Variants in TMC1 observed in about 807,000 individuals in gnomAD.
TMC1 encodes the protein transmembrane channel-like protein 1.
Under a neutral mutation model 105.8 loss-of-function variants are expected in TMC1, and 84 were observed. The ratio of observed to expected loss-of-function variants is 0.79; its 90% confidence interval spans 0.67 to 0.95. The LOEUF (loss-of-function observed/expected upper bound fraction) is 0.95, where lower values mean the gene tolerates loss of function less well. Ranked by LOEUF, TMC1 falls within the 40% of genes least tolerant of loss-of-function variation. The probability of loss-of-function intolerance (pLI) is 0.00; values close to 1 mark genes in which losing one functional copy is unlikely to be tolerated. For synonymous variants in TMC1, 315 were observed against 311.5 expected (o/e 1.01, Z -0.12); for missense variants, 817 against 914.1 (o/e 0.89, Z 1.37).
At chr9:72,820,051 T>C (rs1244021077) in intron 19 of TMC1, among the ~76,000 whole-genome samples, 1 of 152,172 alleles carries the variant, frequency 6.6e-6, no homozygotes, top group Non-Finnish European at 1.5e-5. Flanking sequence ...AAAACTCAGA[T>C]GCACAAAGCA....
At chr9:72,527,618 A>G (rs1823427543) in intron 1 of TMC1, among the ~76,000 whole-genome samples, 1 of 152,088 alleles carries the variant, frequency 6.6e-6, no homozygotes, top group African/African-American at 2.4e-5. Context: ...TGCCAGCGCT[A>G]CTTTGCAGAC....
At chr9:72,767,021 CT>C (rs1202416746) in intron 12 of TMC1, among the ~76,000 whole-genome samples, 11 of 152,120 alleles carry the variant, frequency 7.2e-5, no homozygotes, top group African/African-American at 2.7e-4. Flanking sequence ...CATAATTAGC[CT>C]TTTCACTCCT....
At chr9:72,714,535 T>C (rs1826887739) in intron 8 of TMC1, among the ~76,000 whole-genome samples, 1 of 152,166 alleles carries the variant, frequency 6.6e-6, no homozygotes, top group Non-Finnish European at 1.5e-5. Context: ...TCTTTGTCTT[T>C]TTTTGATGTT....
intron 4 of TMC1, among the ~76,000 whole-genome samples, chr9:72,636,707 CAAAA>C (rs59553107): frequency 3.6e-5 from 3 of 83,270 alleles, no homozygotes; most frequent in Non-Finnish European, 4.5e-5. Flanking sequence ...GACTCCATCT[CAAAA>C]AAAAAAAAAA....
intron 4 of TMC1, among the ~76,000 whole-genome samples, chr9:72,633,770 G>C (rs897561349): frequency 6.6e-6 from 1 of 152,118 alleles, no homozygotes; most frequent in Admixed American, 6.5e-5. Flanking sequence ...ATCACCAAAT[G>C]TGTGGAGGTT....
chr9:72,787,516 A>T (rs1389492082), intron 13 of TMC1, among the ~76,000 whole-genome samples: 1 of 152,106 alleles, frequency 6.6e-6, no homozygotes, highest in Non-Finnish European at 1.5e-5. Flanking sequence ...AATTTGTGTC[A>T]TATGAAATTT....
rs1380376162 is a variant in TMC1 at position 72,767,473 on chromosome 9, G to A, written c.742-4940G>A. 3.9e-5 allele frequency among the ~76,000 whole-genome samples: 6 copies of A among 152,130 alleles called. No individual in the cohort carries two copies. In the East Asian group the frequency reaches 1.2e-3, roughly 29 times the overall value. Reference sequence around the variant, plus strand: ...AGATGTTTTGCATGCAGAGCCTTTTGGGGACCTCTGAAATCCTGTCTCCTA... The same window carrying A: ...AGATGTTTTGCATGCAGAGCCTTTTAGGGACCTCTGAAATCCTGTCTCCTA... On this transcript the variant is annotated intron_variant, in intron 12 of 23. Coordinates refer to ENST00000297784, the MANE Select transcript of TMC1 (RefSeq NM_138691.3).
chr9:72,766,139 T>G (rs1214450022), intron 12 of TMC1, among the ~76,000 whole-genome samples: 1 of 152,102 alleles, frequency 6.6e-6, no homozygotes, highest in Non-Finnish European at 1.5e-5. Flanking sequence ...ACATCTCGGC[T>G]GGGCGTGGTG....
rs35584155 is a variant in TMC1 at position 72,709,010 on chromosome 9, C to CGG, written c.362+8373_362+8374dup. ...GCTTTTTCTGTGTCTATTTTTTTTT[C>CGG]GGGGGGGTGGGTGTTTAAGAGCAGA... On this transcript the variant is annotated intron_variant, in intron 8 of 23. Coordinates refer to ENST00000297784, the MANE Select transcript of TMC1 (RefSeq NM_138691.3). Among the ~76,000 whole-genome samples, 35 of 142,638 alleles carry CGG rather than the reference C, an allele frequency of 2.5e-4. 1 individual carries two copies. The highest frequency in any genetic ancestry group is 4.6e-4 in the South Asian group (2 of 4,318). 93.6% of individuals were successfully genotyped at this position (142,638 alleles called of 152,430 possible).
chr9:72,608,037 G>T (rs1206674086), intron 2 of TMC1: 2 of 152,202 alleles, frequency 1.3e-5, no homozygotes, highest in Non-Finnish European at 2.9e-5. Context: ...TGGTCCAATT[G>T]TAAAGTAAAT....
At chr9:72,832,116 T>C (rs79477655) in intron 23 of TMC1, among the ~76,000 whole-genome samples, 3,012 of 152,000 alleles carry the variant, frequency 0.02, 91 homozygotes, top group African/African-American at 0.064. Context: ...CATGCCTGGA[T>C]AATTTTTAAT....
intron 2 of TMC1, among the ~76,000 whole-genome samples, chr9:72,614,806 G>A (rs1825094856): frequency 6.6e-6 from 1 of 152,094 alleles, no homozygotes; most frequent in African/African-American, 2.4e-5. Flanking sequence ...TCAGCCTCCT[G>A]AGTAGCTGGG....
chr9:72,821,845 C>T (rs1489162662), intron 20 of TMC1, among the ~76,000 whole-genome samples: 1 of 152,038 alleles, frequency 6.6e-6, no homozygotes, highest in African/African-American at 2.4e-5. Context: ...AGAGAGAATA[C>T]CCCACACTTT....
In TMC1 at chr9:72,633,796, G is replaced by A. The variant is rs566787594; in HGVS notation, c.-53+5733G>A. The stretch of plus-strand genomic sequence containing the variant: ...TGTGGAGGTTTTTCTACATCAGTTT[G>A]TCAGACACCTACTATGTGTCCTATA... On this transcript the variant is annotated intron_variant, in intron 4 of 23. Transcript: ENST00000297784. 1.2e-4 allele frequency among the ~76,000 whole-genome samples: 18 copies of A among 152,214 alleles called. 2 individuals are homozygous for A. The South Asian group carries it at 3.7e-3, about 32-fold the overall frequency.
chr9:72,615,456 A>C (rs1425974078), intron 2 of TMC1, among the ~76,000 whole-genome samples: 1 of 152,172 alleles, frequency 6.6e-6, no homozygotes. Flanking sequence ...TTTTGAGGGC[A>C]TTATGGTGTA....
chr9:72,733,416 T>C (rs1827246966), intron 8 of TMC1, among the ~76,000 whole-genome samples: 1 of 151,838 alleles, frequency 6.6e-6, no homozygotes, highest in African/African-American at 2.4e-5. Flanking sequence ...CAAGAACAAT[T>C]CCCACTTTCA....
Position 72,674,298 on chromosome 9 carries a change from T to G in TMC1, c.17-14411T>G, listed in dbSNP as rs116811782. ...AAATTTGACAAGCTAATCCTAAAAT[T>G]TATATGAAAATGCAAAGGACCTACA... On this transcript the variant is annotated intron_variant, in intron 5 of 23. Coordinates refer to ENST00000297784, the MANE Select transcript of TMC1 (RefSeq NM_138691.3). Among the ~76,000 whole-genome samples the G allele has an allele frequency of 4.1e-3, 626 of 151,548 alleles. 3 individuals carry two copies. Among genetic ancestry groups the G allele is most frequent in the African/African-American group, 0.014 (595 of 41,226 alleles).
chr9:72,569,865 T>C (rs190434869), intron 1 of TMC1, among the ~76,000 whole-genome samples: 7 of 152,332 alleles, frequency 4.6e-5, no homozygotes, highest in African/African-American at 7.2e-5. Context: ...CTGAGTGCTG[T>C]CTGCTAGAAG....
In TMC1 at chr9:72,672,849, C is replaced by CAT. The variant is rs1554719821; in HGVS notation, c.17-15859_17-15858insTA. On this transcript the variant is annotated intron_variant, in intron 5 of 23. Transcript: ENST00000297784. ...ACACACACACACACACACACACACACACACACACACACACGTGTATATATA... is the reference window on the plus strand; with the variant it reads ...ACACACACACACACACACACACACACATACACACACACACACGTGTATATATA... Among the ~76,000 whole-genome samples, 350 of 150,974 alleles carry CAT rather than the reference C, an allele frequency of 2.3e-3. 2 individuals are homozygous for CAT. Among genetic ancestry groups the CAT allele is most frequent in the African/African-American group, 8.4e-3 (343 of 40,948 alleles).
Sources: allele counts gnomAD v4.1 joint callset (sites outside exome capture counted in the v4.1 genomes callset), GRCh38; gene constraint gnomAD v4.1.1; transcripts MANE v1.5; gene names NCBI Gene and HGNC (gene_info 2026-07-23, HGNC 2026-07-21).